The following NHERF4 variants were observed in gnomAD, a reference collection of about 807,000 sequenced individuals.
NHERF4 encodes NHERF family PDZ scaffold protein 4.
At chr11:119,186,178 C>T in the NHERF4 span, 1 of 1,614,158 alleles carries the variant, frequency 6.2e-7, no homozygotes, top group Non-Finnish European at 8.5e-7. The surrounding 1 kb of genome is among the most constrained non-coding windows in gnomAD (Gnocchi z 4.4). Flanking sequence ...AACTCCCTCA[C>T]CCCCTGGCAA....
chr11:119,186,842 T>C, the NHERF4 span: 10 of 840,802 alleles, frequency 1.2e-5, no homozygotes, highest in African/African-American at 1.7e-5. The surrounding 1 kb of genome is among the most constrained non-coding windows in gnomAD (Gnocchi z 4.4). Flanking sequence ...GGAAAGCATC[T>C]AGAAAGCCGA....
At chr11:119,187,460 G>T in the NHERF4 span, 2 of 1,614,018 alleles carry the variant, frequency 1.2e-6, no homozygotes, top group South Asian at 2.2e-5. Flanking sequence ...GTCACCCATG[G>T]TGAGCCCAGA....
the NHERF4 span, chr11:119,186,750 T>C: frequency 6.2e-6 from 9 of 1,460,580 alleles, no homozygotes; most frequent in Non-Finnish European, 8.3e-6. The surrounding 1 kb of genome is among the most constrained non-coding windows in gnomAD (Gnocchi z 4.4). Context: ...GGTTGCTCAG[T>C]CCCCTGGGCA....
the NHERF4 span, chr11:119,188,235 TC>T: frequency 6.4e-7 from 1 of 1,557,754 alleles, no homozygotes; most frequent in Non-Finnish European, 8.7e-7. Context: ...CGAAGAGGTG[TC>T]CCTGTCTGAG....
the NHERF4 span, chr11:119,186,227 C>CCTCCGAT: frequency 1.2e-6 from 2 of 1,614,026 alleles, no homozygotes; most frequent in Non-Finnish European, 1.7e-6. The surrounding 1 kb of genome is among the most constrained non-coding windows in gnomAD (Gnocchi z 4.4). Context: ...CTCCACACGG[C>CCTCCGAT]CTCCGATCTC....
the NHERF4 span, chr11:119,187,182 C>T: frequency 8.9e-7 from 1 of 1,126,740 alleles, no homozygotes; most frequent in Non-Finnish European, 1.2e-6. Context: ...AGCCGATTCC[C>T]TTGGCAAAAA....
chr11:119,187,890 C>T, the NHERF4 span: 1 of 1,488,612 alleles, frequency 6.7e-7, no homozygotes, highest in Non-Finnish European at 9.0e-7. Context: ...GAGCATACCT[C>T]TTCTCTCCCT....
At chr11:119,189,485 T>TA in the NHERF4 span, 1 of 1,614,148 alleles carries the variant, frequency 6.2e-7, no homozygotes, top group Non-Finnish European at 8.5e-7. The surrounding 1 kb of genome is among the most constrained non-coding windows in gnomAD (Gnocchi z 5.8). Context: ...GCCTCGGATC[T>TA]ACTGTAGAGC....
chr11:119,185,763 T>A, the NHERF4 span: 1 of 929,918 alleles, frequency 1.1e-6, no homozygotes, highest in South Asian at 1.4e-5. Context: ...TAGTCCTGTG[T>A]GTATGGCAGT....
chr11:119,188,975 C>G, the NHERF4 span: 1 of 1,613,712 alleles, frequency 6.2e-7, no homozygotes, highest in Non-Finnish European at 8.5e-7. Flanking sequence ...CCCCCGGTGT[C>G]CCCTGTTCTG....
the NHERF4 span, chr11:119,189,735 T>A: frequency 4.9e-5 from 28 of 571,262 alleles, no homozygotes; most frequent in South Asian, 5.6e-4. This position sits in a 1 kb window ranked among gnomAD's most constrained non-coding sequence, Gnocchi z 5.8. Context: ...TATGGGAGTT[T>A]TAGAGAGCTG....
chr11:119,186,682 T>G, the NHERF4 span: 1 of 1,602,696 alleles, frequency 6.2e-7, no homozygotes, highest in Non-Finnish European at 8.5e-7. This position sits in a 1 kb window ranked among gnomAD's most constrained non-coding sequence, Gnocchi z 4.4. Flanking sequence ...ACACGAAGAC[T>G]ATGCGGTGGT....
the NHERF4 span, chr11:119,187,674 T>G: frequency 1.4e-5 from 22 of 1,529,818 alleles, no homozygotes; most frequent in Non-Finnish European, 1.9e-5. Context: ...TGTGGAGAAG[T>G]TCACTCACAA....
chr11:119,185,803 G>A, the NHERF4 span: 1 of 1,322,452 alleles, frequency 7.6e-7, no homozygotes, highest in South Asian at 1.2e-5. Flanking sequence ...GGAGCAGAAA[G>A]GAGGGGGCAT....
the NHERF4 span, chr11:119,188,261 C>T: frequency 9.8e-5 from 154 of 1,574,148 alleles, no homozygotes; most frequent in Non-Finnish European, 1.3e-4. Context: ...GGCCCTGGGC[C>T]GCCTCTTCCC....
At chr11:119,188,577 G>A in the NHERF4 span, 2 of 1,605,564 alleles carry the variant, frequency 1.2e-6, no homozygotes, top group East Asian at 4.5e-5. Context: ...CAGGGGCTAG[G>A]GTTGGGGCAG....
the NHERF4 span, chr11:119,189,282 C>A: frequency 6.6e-7 from 1 of 1,521,390 alleles, no homozygotes; most frequent in Non-Finnish European, 9.0e-7. This position sits in a 1 kb window ranked among gnomAD's most constrained non-coding sequence, Gnocchi z 5.8. Context: ...GCAGAGTGGG[C>A]GAGGTACAAG....
chr11:119,188,640 G>C, the NHERF4 span: 70 of 1,613,978 alleles, frequency 4.3e-5, no homozygotes, highest in South Asian at 6.9e-4. Context: ...CACCTTCCAG[G>C]TTCGCCTGTC....
chr11:119,188,883 T>A, the NHERF4 span: 6 of 1,613,090 alleles, frequency 3.7e-6, no homozygotes, highest in Non-Finnish European at 5.1e-6. Context: ...TGATGCCCCA[T>A]GGATCTTGAA....
Sources: gnomAD v4.1 joint callset for allele counts on GRCh38, gnomAD v4.1.1 for gene constraint, Gnocchi (gnomAD v3.1) non-coding constraint, MANE v1.5 for transcripts, NCBI Gene and HGNC (gene_info 2026-07-23, HGNC 2026-07-21) for gene names.